TMEM192: variants seen among roughly 807,000 people sequenced by gnomAD.
The protein encoded by TMEM192 is transmembrane protein 192.
Under a neutral mutation model 26.7 loss-of-function variants are expected in TMEM192, and 20 were observed. That is an observed-to-expected ratio of 0.75 (90% CI 0.53 to 1.09). The LOEUF is 1.09. TMEM192 is among the 50% of genes least tolerant of loss of function. The pLI is 0.00. For synonymous variants in TMEM192, 124 were observed against 121.0 expected (o/e 1.02, Z -0.16); for missense variants, 304 against 322.6 (o/e 0.94, Z 0.44).
rs1018631577 is a variant in TMEM192 at position 165,077,241 on chromosome 4, A to T, written c.*2417T>A. 9 of 152,204 alleles carry T rather than the reference A, an allele frequency of 5.9e-5. No homozygotes were observed. Among genetic ancestry groups the T allele is most frequent in the African/African-American group, 1.9e-4 (8 of 41,458 alleles). The allele number at this position is 152,204 out of a possible 1,614,324, so 9.4% of individuals were successfully genotyped here. A position where few individuals can be genotyped will look rare whatever the true frequency, so the allele number is the denominator to read the frequency against. ...ATAGGCACCCTAACTTTTTAACTACACTGTTCCTTGTAAACCAAAGTTCAT... is the reference window on the plus strand; with the variant it reads ...ATAGGCACCCTAACTTTTTAACTACTCTGTTCCTTGTAAACCAAAGTTCAT... On this transcript the variant is annotated 3_prime_UTR_variant, in exon 6 of 6. Coordinates refer to ENST00000306480, the MANE Select transcript of TMEM192 (RefSeq NM_001100389.2).
chr4:165,101,480 C>T (rs1438981192), intron 2 of TMEM192, among the ~76,000 whole-genome samples: 2 of 152,164 alleles, frequency 1.3e-5, no homozygotes, highest in Non-Finnish European at 2.9e-5. Context: ...GATCCTCCTA[C>T]CTCAGTCTCT....
rs1473099744 is a variant in TMEM192, at chr4:165,076,067, T to A, written c.*3591A>T. ...ACAAAAAAAGTGTACATTGGTATAA[T>A]CCCTTGGTAGTGAGATTTCAAATAA... On this transcript the variant is annotated 3_prime_UTR_variant, in exon 6 of 6. Coordinates refer to ENST00000306480, the MANE Select transcript of TMEM192 (RefSeq NM_001100389.2). 1 of 151,862 alleles carries A rather than the reference T, an allele frequency of 6.6e-6. No individual in the cohort carries two copies. The highest frequency in any genetic ancestry group is 2.4e-5 in the African/African-American group (1 of 41,362). The allele number at this position is 151,862 out of a possible 1,614,324, so 9.4% of individuals were successfully genotyped here.
chr4:165,104,631 A>G (rs1279950129), intron 1 of TMEM192, among the ~76,000 whole-genome samples: 1 of 152,090 alleles, frequency 6.6e-6, no homozygotes, highest in East Asian at 1.9e-4. Context: ...CCTGGGTTCA[A>G]TCGATTCTCC....
Position 165,082,987 on chromosome 4 carries a change from G to A in TMEM192, c.677+2599C>T, listed in dbSNP as rs1460447949. Among the ~76,000 whole-genome samples the A allele has an allele frequency of 7.6e-4, 30 of 39,332 alleles. 15 individuals carry two copies. Among genetic ancestry groups the A allele is most frequent in the Non-Finnish European group, 2.7e-3 (28 of 10,474 alleles). 25.8% of individuals were successfully genotyped at this position (39,332 alleles called of 152,430 possible). A position where few individuals can be genotyped will look rare whatever the true frequency, so the allele number is the denominator to read the frequency against. On this transcript the variant is annotated intron_variant, in intron 5 of 5. Coordinates refer to ENST00000306480, the MANE Select transcript of TMEM192 (RefSeq NM_001100389.2). ...TGACCTCAGGTGATGCACCCGCCTC[G>A]GCCTCACAAAGTACTGGGATTACAG... is the stretch of plus-strand genomic sequence containing the variant.
intron 3 of TMEM192, among the ~76,000 whole-genome samples, chr4:165,096,388 G>A (rs1283168821): frequency 6.6e-6 from 1 of 151,468 alleles, no homozygotes; most frequent in African/African-American, 2.4e-5. Context: ...CTGGACAACA[G>A]AGCAAGACTC....
At position 165,073,349 on chromosome 4, in the gene TMEM192, G is replaced by A. The variant is rs1734309535; in HGVS notation, c.*6309C>T. ...GCAGGATGTGCCTTGTTAACAATAT[G>A]TTTGCAGGTGGTATGCTTGGTAAAA... On this transcript the variant is annotated 3_prime_UTR_variant, in exon 6 of 6. Coordinates refer to ENST00000306480, the MANE Select transcript of TMEM192 (RefSeq NM_001100389.2). The A allele has an allele frequency of 6.6e-6, 1 of 152,264 alleles. No homozygotes were observed. Among genetic ancestry groups the A allele is most frequent in the Admixed American group, 6.6e-5 (1 of 15,266 alleles). 9.4% of individuals were successfully genotyped at this position (152,264 alleles called of 1,614,324 possible). A position where few individuals can be genotyped will look rare whatever the true frequency, so the allele number is the denominator to read the frequency against.
At chr4:165,081,524 T>C (rs756454482) in intron 5 of TMEM192, among the ~76,000 whole-genome samples, 8,171 of 23,254 alleles carry the variant, frequency 0.35, 2,601 homozygotes, top group East Asian at 0.63. Context: ...GCTGGGACTA[T>C]AAGCGCCCAT....
chr4:165,086,928 A>C (rs1176612368), intron 4 of TMEM192, among the ~76,000 whole-genome samples: 1 of 152,064 alleles, frequency 6.6e-6, no homozygotes, highest in African/African-American at 2.4e-5. Flanking sequence ...AGCCTGGCGA[A>C]CATGATGAGA....
intron 3 of TMEM192, among the ~76,000 whole-genome samples, chr4:165,091,169 A>AG (rs1333950672): frequency 6.6e-6 from 1 of 151,580 alleles, no homozygotes; most frequent in Non-Finnish European, 1.5e-5. Context: ...CAGGAGGCTG[A>AG]GGCAGGAGAA....
chr4:165,108,032 T>C (rs1315141306), intron 1 of TMEM192, among the ~76,000 whole-genome samples: 1 of 152,128 alleles, frequency 6.6e-6, no homozygotes, highest in Non-Finnish European at 1.5e-5. Context: ...TCCTGCCTCT[T>C]AGCATGCCTT....
chr4:165,111,817 A>G (rs1367358993), intron 1 of TMEM192: 1 of 152,166 alleles, frequency 6.6e-6, no homozygotes, highest in South Asian at 2.1e-4. Flanking sequence ...CCTTTTCCTG[A>G]TGCAGTTCAT....
At chr4:165,097,504 A>G (rs575270565) in intron 3 of TMEM192, among the ~76,000 whole-genome samples, 3 of 149,706 alleles carry the variant, frequency 2.0e-5, no homozygotes, top group Middle Eastern at 3.5e-3. Context: ...AAAAAAAAAA[A>G]AAAAAAGAAA....
intron 1 of TMEM192, among the ~76,000 whole-genome samples, chr4:165,109,556 G>T (rs1348688345): frequency 6.6e-6 from 1 of 152,118 alleles, no homozygotes; most frequent in Non-Finnish European, 1.5e-5. Context: ...GTAGATACCG[G>T]GTTTCGCCAT....
At chr4:165,105,605 A>G (rs1735143847) in intron 1 of TMEM192, among the ~76,000 whole-genome samples, 1 of 152,230 alleles carries the variant, frequency 6.6e-6, no homozygotes, top group Non-Finnish European at 1.5e-5. Context: ...AGAGCACTCA[A>G]TAAGTATTAG....
chr4:165,093,817 A>G (rs1409554923), intron 3 of TMEM192, among the ~76,000 whole-genome samples: 1 of 152,000 alleles, frequency 6.6e-6, no homozygotes, highest in Non-Finnish European at 1.5e-5. Flanking sequence ...CTGCCTCCCC[A>G]GTTCAAGCAA....
Position 165,075,372 on chromosome 4 carries a change from G to A in TMEM192, c.*4286C>T, listed in dbSNP as rs1734352762. On this transcript the variant is annotated 3_prime_UTR_variant, in exon 6 of 6. Transcript: ENST00000306480. The stretch of plus-strand genomic sequence containing the variant: ...CAATTCTCCTGCCTCAGCCTCCTGA[G>A]TAGCTGGGATTACAGGCGCGCACCA... 6.6e-6 allele frequency: 1 copy of A among 151,594 alleles called. No individual in the cohort carries two copies. Among genetic ancestry groups the A allele is most frequent in the African/African-American group, 2.4e-5 (1 of 41,232 alleles). 9.4% of individuals were successfully genotyped at this position (151,594 alleles called of 1,614,324 possible).
In TMEM192 at chr4:165,071,292, T is replaced by A. The variant is rs1418506494; in HGVS notation, c.*8366A>T. 6.8e-6 allele frequency: 1 copy of A among 146,112 alleles called. No individual in the cohort carries two copies. The highest frequency in any genetic ancestry group is 2.6e-5 in the African/African-American group (1 of 38,614). 9.1% of individuals were successfully genotyped at this position (146,112 alleles called of 1,614,324 possible). A position where few individuals can be genotyped will look rare whatever the true frequency, so the allele number is the denominator to read the frequency against. The stretch of plus-strand genomic sequence containing the variant: ...AGGAGGCTGACTGAAGTGGGAGGAT[T>A]TTTTTTTTTTGGGGGGGGGACGGAT... On this transcript the variant is annotated 3_prime_UTR_variant, in exon 6 of 6. Transcript: ENST00000306480.
At chr4:165,089,040 C>CAAAAAAAAA (rs56000323) in intron 3 of TMEM192, among the ~76,000 whole-genome samples, 1 of 47,290 alleles carries the variant, frequency 2.1e-5, no homozygotes, top group African/African-American at 9.2e-5. Context: ...GACCCTACTG[C>CAAAAAAAAA]AAAAAAAAAA....
At chr4:165,089,475 C>T (rs1290765848) in intron 3 of TMEM192, among the ~76,000 whole-genome samples, 1 of 152,118 alleles carries the variant, frequency 6.6e-6, no homozygotes, top group Non-Finnish European at 1.5e-5. Context: ...GCGCCCGCCA[C>T]CACGCCCGGC....
Sources: gnomAD v4.1 joint callset for allele counts (sites outside exome capture counted in the v4.1 genomes callset) on GRCh38, gnomAD v4.1.1 for gene constraint, MANE v1.5 for transcripts, NCBI Gene and HGNC (gene_info 2026-07-23, HGNC 2026-07-21) for gene names.